Variants in HMGB1 observed in about 807,000 individuals in gnomAD.
The protein encoded by HMGB1 is high mobility group protein B1.
For missense variants in HMGB1, 79 were observed against 253.5 expected, an observed-to-expected ratio of 0.31 and a Z score of 4.67; for synonymous variants, 81 against 84.0, an observed-to-expected ratio of 0.96 and a Z score of 0.19.
intron 1 of HMGB1, chr13:30,464,243 G>A (rs748802708): frequency 8.1e-6 from 8 of 985,408 alleles, no homozygotes; most frequent in Admixed American, 6.1e-5. Context: ...CCGGTGCTCG[G>A]AACCCGGTTG....
At chr13:30,544,484 T>C (rs1162731768) in intron 1 of HMGB1, among the ~76,000 whole-genome samples, 3 of 152,154 alleles carry the variant, frequency 2.0e-5, no homozygotes, top group Non-Finnish European at 2.9e-5. Flanking sequence ...TGATCAGCAA[T>C]AGGCAATGAT....
At chr13:30,477,383 CCCAT>C (rs2137427458) in intron 1 of HMGB1, among the ~76,000 whole-genome samples, 1 of 152,266 alleles carries the variant, frequency 6.6e-6, no homozygotes, top group African/African-American at 2.4e-5. Flanking sequence ...AGTTCCATTT[CCCAT>C]CCAGGGTAAC....
intron 4 of HMGB1, 98 bp from the exon 5 acceptor site, chr13:30,461,631 A>C (rs983903380): frequency 8.2e-6 from 13 of 1,585,286 alleles, no homozygotes; most frequent in Non-Finnish European, 1.1e-5. Flanking sequence ...TCAAGATTCT[A>C]GTTATACCAA....
At chr13:30,495,016 T>C (rs574235520) in intron 1 of HMGB1, among the ~76,000 whole-genome samples, 144 of 152,326 alleles carry the variant, frequency 9.5e-4, no homozygotes, top group Middle Eastern at 3.4e-3. Context: ...CCTTCACCTT[T>C]AAGATGGAAT....
chr13:30,549,485 T>C (rs929884362), intron 1 of HMGB1, among the ~76,000 whole-genome samples: 4 of 152,130 alleles, frequency 2.6e-5, no homozygotes, highest in African/African-American at 7.2e-5. Context: ...TGGGCTCAAG[T>C]GGTCCTCCTG....
At chr13:30,570,678 T>G (rs568228554) in intron 1 of HMGB1, among the ~76,000 whole-genome samples, 26 of 152,340 alleles carry the variant, frequency 1.7e-4, no homozygotes, top group African/African-American at 6.0e-4. Flanking sequence ...TTAGGAACAA[T>G]GAGAATAAAA....
intron 1 of HMGB1, among the ~76,000 whole-genome samples, chr13:30,504,335 T>C (rs1193386097): frequency 6.6e-6 from 1 of 152,234 alleles, no homozygotes; most frequent in Admixed American, 6.5e-5. Context: ...TCAATCACAA[T>C]GTGGTTTCAA....
chr13:30,501,672 C>T (rs1887738792), intron 1 of HMGB1, among the ~76,000 whole-genome samples: 1 of 152,060 alleles, frequency 6.6e-6, no homozygotes, highest in Non-Finnish European at 1.5e-5. Flanking sequence ...CACTAATAGA[C>T]AATATTATTT....
intron 1 of HMGB1, among the ~76,000 whole-genome samples, chr13:30,560,581 T>G (rs560594153): frequency 6.6e-6 from 1 of 152,260 alleles, no homozygotes; most frequent in Non-Finnish European, 1.5e-5. Flanking sequence ...TAACGTTGCA[T>G]GAAACCACTT....
chr13:30,574,892 C>G (rs9508803), intron 1 of HMGB1, among the ~76,000 whole-genome samples: 3 of 152,132 alleles, frequency 2.0e-5, no homozygotes, highest in African/African-American at 4.8e-5. Flanking sequence ...ATCCAGGAAT[C>G]TAGCTTGGTT....
intron 1 of HMGB1, among the ~76,000 whole-genome samples, chr13:30,606,681 C>T (rs139898680): frequency 7.7e-4 from 118 of 152,308 alleles, no homozygotes; most frequent in Admixed American, 9.1e-4. Context: ...CAGCTTACAT[C>T]TGGATGAGAA....
At chr13:30,583,028 A>AT (rs200713079) in intron 1 of HMGB1, among the ~76,000 whole-genome samples, 122 of 148,090 alleles carry the variant, frequency 8.2e-4, no homozygotes, top group African/African-American at 1.9e-3. Flanking sequence ...ATACTGATCT[A>AT]TTTTTTTTTT....
At chr13:30,564,010 G>T (rs931346555) in intron 1 of HMGB1, among the ~76,000 whole-genome samples, 1 of 152,064 alleles carries the variant, frequency 6.6e-6, no homozygotes, top group Non-Finnish European at 1.5e-5. Context: ...ATAACTTCGT[G>T]GGCATGGTGG....
upstream of HMGB1, among the ~76,000 whole-genome samples, chr13:30,469,233 C>T (rs1406660821): frequency 2.6e-5 from 4 of 152,088 alleles, no homozygotes; most frequent in Non-Finnish European, 4.4e-5. Context: ...GTCATCCAGT[C>T]GAAGAGGCCT....
rs367767525 is a variant in HMGB1, at chr13:30,580,489, G to A, written c.-15+36182C>T. 7.2e-5 allele frequency among the ~76,000 whole-genome samples: 11 copies of A among 152,280 alleles called. No individual in the cohort carries two copies. In the East Asian group the frequency reaches 1.7e-3, roughly 24 times the overall value. On this transcript the variant is annotated intron_variant, in intron 1 of 4. Coordinates refer to the HMGB1 transcript ENST00000405805. ...TTTATTTAAAAATTCATCCACTGAT[G>A]CATGATAATGGAATTCACAGGAGAG...
chr13:30,596,024 C>T (rs1475075275), intron 1 of HMGB1, among the ~76,000 whole-genome samples: 1 of 152,172 alleles, frequency 6.6e-6, no homozygotes, highest in African/African-American at 2.4e-5. Context: ...AAGCTGGCTA[C>T]ACAGAAGAGA....
chr13:30,467,598 GTTA>G (rs1361064397), upstream of HMGB1, among the ~76,000 whole-genome samples: 2 of 152,090 alleles, frequency 1.3e-5, no homozygotes, highest in Non-Finnish European at 2.9e-5. Flanking sequence ...TAACTTTTAT[GTTA>G]TTATTTTCAC....
At chr13:30,478,871 C>CTTTTT (rs3042542) in intron 1 of HMGB1, among the ~76,000 whole-genome samples, 6 of 126,138 alleles carry the variant, frequency 4.8e-5, no homozygotes, top group Admixed American at 7.8e-5. Flanking sequence ...CTTTTCTTTT[C>CTTTTT]TTTTTTTTTT....
At chr13:30,503,696 G>C (rs1887790043) in intron 1 of HMGB1, among the ~76,000 whole-genome samples, 1 of 141,412 alleles carries the variant, frequency 7.1e-6, no homozygotes, top group Non-Finnish European at 1.5e-5. Context: ...GCTAAGCTTA[G>C]GTGCTGCACA....
Sources: gnomAD v4.1 joint callset for allele counts (sites outside exome capture counted in the v4.1 genomes callset) on GRCh38, gnomAD v4.1.1 for gene constraint, MANE v1.5 for transcripts, NCBI Gene and HGNC (gene_info 2026-07-23, HGNC 2026-07-21) for gene names.